NUBPL: variants seen among roughly 807,000 people sequenced by gnomAD.
NUBPL encodes NUBP iron-sulfur cluster assembly factor, mitochondrial, also known as iron-sulfur cluster transfer protein NUBPL.
Under a neutral mutation model 45.7 loss-of-function variants are expected in NUBPL, and 31 were observed. That is an observed-to-expected ratio of 0.68 (90% confidence interval 0.51 to 0.92). The LOEUF is 0.92. NUBPL is among the 40% of genes least tolerant of loss of function. The pLI is 0.00. For synonymous variants in NUBPL, 144 were observed against 140.9 expected, an observed-to-expected ratio of 1.02 and a Z score of -0.15; for missense variants, 401 against 398.7, an observed-to-expected ratio of 1.01 and a Z score of -0.05.
chr14:31,673,704 G>A lies in NUBPL; in HGVS notation c.513+130G>A. The A allele has an allele frequency of 1.6e-5, 13 of 794,920 alleles. No individual in the cohort carries two copies. In the South Asian group the frequency reaches 1.7e-4, roughly 11 times the overall value. 49.2% of individuals were successfully genotyped at this position (794,920 alleles called of 1,614,324 possible). A position where few individuals can be genotyped will look rare whatever the true frequency, so the allele number is the denominator to read the frequency against. ...GGATGAATGTATAATGCGTAATATG[G>A]CACCTAATGAGTTAATGTGATGCCA... On this transcript the variant is annotated intron_variant, in intron 6 of 10. Transcript: ENST00000281081.
At chr14:31,623,877 A>G (rs542226166) in intron 4 of NUBPL, among the ~76,000 whole-genome samples, 1 of 152,276 alleles carries the variant, frequency 6.6e-6, no homozygotes, top group Admixed American at 6.5e-5. Context: ...CAGGGCCAGA[A>G]AGGTAATTGA....
intron 6 of NUBPL, among the ~76,000 whole-genome samples, chr14:31,701,416 TG>T (rs1261076187): frequency 1.3e-5 from 2 of 152,108 alleles, no homozygotes; most frequent in African/African-American, 4.8e-5. Flanking sequence ...AGGATGTGGG[TG>T]GGGTCAGATA....
chr14:31,767,006 T>C lies in NUBPL; in HGVS notation c.514-20774T>C, dbSNP rs554049146. Among the ~76,000 whole-genome samples, 304 of 152,008 alleles carry C rather than the reference T, an allele frequency of 2.0e-3. 1 individual carries two copies. The highest frequency in any genetic ancestry group is 6.8e-3 in the African/African-American group (280 of 41,452). ...AAATACATAATTAAAAAAAAAAGAT[T>C]TTAATCTACTGAAAAAAATTTTCTA... is the stretch of plus-strand genomic sequence containing the variant. On this transcript the variant is annotated intron_variant, in intron 6 of 10. Transcript: ENST00000281081.
chr14:31,684,158 C>G (rs1336929516), intron 6 of NUBPL, among the ~76,000 whole-genome samples: 1 of 152,170 alleles, frequency 6.6e-6, no homozygotes, highest in South Asian at 2.1e-4. Flanking sequence ...TGACCTTGGG[C>G]AGAAACTTCT....
chr14:31,836,154 A>G (rs769693927), intron 8 of NUBPL, among the ~76,000 whole-genome samples: 36 of 152,338 alleles, frequency 2.4e-4, no homozygotes, highest in South Asian at 1.4e-3. Flanking sequence ...CAAGAGAATC[A>G]ATTTTTAAAA....
intron 4 of NUBPL, among the ~76,000 whole-genome samples, chr14:31,622,025 A>T (rs1202185485): frequency 6.6e-6 from 1 of 152,338 alleles, no homozygotes; most frequent in South Asian, 2.1e-4. Context: ...GATATGCACA[A>T]TGAAGTTTAG....
chr14:31,846,963 AC>A lies in NUBPL; in HGVS notation c.814+373del, dbSNP rs1277669225. On this transcript the variant is annotated intron_variant, in intron 9 of 10. Coordinates refer to ENST00000281081, the MANE Select transcript of NUBPL (RefSeq NM_025152.3). The stretch of plus-strand genomic sequence containing the variant: ...AGAGTGAGACTCCATCAAAAAAAAA[AC>A]AAAAAACAAAAAACAGTGTCTCTGA... Among the ~76,000 whole-genome samples the A allele has an allele frequency of 1.2e-3, 146 of 123,738 alleles. 1 individual carries two copies. Among genetic ancestry groups the A allele is most frequent in the Non-Finnish European group, 1.0e-3 (50 of 50,026 alleles). The allele number at this position is 123,738 out of a possible 152,430, so 81.2% of individuals were successfully genotyped here.
At chr14:31,781,827 C>T (rs919763996) in intron 6 of NUBPL, among the ~76,000 whole-genome samples, 2 of 152,112 alleles carry the variant, frequency 1.3e-5, no homozygotes, top group African/African-American at 4.8e-5. Flanking sequence ...TTCTACCTTT[C>T]CCTATAATTC....
chr14:31,651,225 T>G (rs994452130), intron 4 of NUBPL, among the ~76,000 whole-genome samples: 4 of 152,090 alleles, frequency 2.6e-5, no homozygotes, highest in African/African-American at 4.8e-5. Flanking sequence ...CTCTGCCGCC[T>G]GGGTTCAAGC....
At chr14:31,673,427 C>G in intron 5 of NUBPL, 33 bp downstream of exon 5, 1 of 1,604,186 alleles carries the variant, frequency 6.2e-7, no homozygotes, top group Non-Finnish European at 8.5e-7. Context: ...TGTTACTTTT[C>G]AGAATAATGT....
In NUBPL at chr14:31,815,886, G is replaced by A. The variant is rs1202796756; in HGVS notation, c.608-10743G>A. On this transcript the variant is annotated intron_variant, in intron 7 of 10. Coordinates refer to ENST00000281081, the MANE Select transcript of NUBPL (RefSeq NM_025152.3). ...AGCCTTGCATGCCAGGGATGAAGCC[G>A]ACTTGATAATGGTGGATAAGCTTTT... Among the ~76,000 whole-genome samples, 3 of 152,082 alleles carry A rather than the reference G, an allele frequency of 2.0e-5. No homozygotes were observed. The East Asian group carries it at 5.8e-4, about 29-fold the overall frequency.
intron 6 of NUBPL, among the ~76,000 whole-genome samples, chr14:31,708,454 T>C (rs2037500227): frequency 6.6e-6 from 1 of 152,164 alleles, no homozygotes; most frequent in Non-Finnish European, 1.5e-5. Context: ...CCCATATTCA[T>C]GTAGATAATA....
At chr14:31,696,927 A>G (rs1049146647) in intron 6 of NUBPL, among the ~76,000 whole-genome samples, 4 of 152,372 alleles carry the variant, frequency 2.6e-5, no homozygotes, top group Admixed American at 6.5e-5. Context: ...GTCTAACTCC[A>G]GGCCTGAATC....
At chr14:31,831,289 C>T (rs974505744) in intron 8 of NUBPL, among the ~76,000 whole-genome samples, 5 of 151,964 alleles carry the variant, frequency 3.3e-5, no homozygotes, top group African/African-American at 7.3e-5. Flanking sequence ...GCAATCCACC[C>T]GCCTCAGTCT....
chr14:31,807,427 G>A (rs537948460), intron 7 of NUBPL, among the ~76,000 whole-genome samples: 204 of 152,254 alleles, frequency 1.3e-3, no homozygotes, highest in African/African-American at 4.6e-3. Flanking sequence ...CTTCTTTTGA[G>A]AAGTGTCTGT....
intron 4 of NUBPL, among the ~76,000 whole-genome samples, chr14:31,604,203 C>A (rs1467848688): frequency 6.9e-6 from 1 of 145,572 alleles, no homozygotes; most frequent in Non-Finnish European, 1.5e-5. Flanking sequence ...AAAACACTTT[C>A]TCTGTTGACA....
chr14:31,562,354 G>T, intron 2 of NUBPL, 139 bp downstream of exon 2: 1 of 848,700 alleles, frequency 1.2e-6, no homozygotes. Context: ...TCAGGAGTTG[G>T]TAGCGGGTAG....
intron 6 of NUBPL, among the ~76,000 whole-genome samples, chr14:31,712,509 C>T (rs1259020283): frequency 6.6e-6 from 1 of 152,250 alleles, no homozygotes; most frequent in Non-Finnish European, 1.5e-5. Context: ...CCCACCCATG[C>T]CTCTCCCTTC....
intron 4 of NUBPL, among the ~76,000 whole-genome samples, chr14:31,639,709 G>A (rs919123522): frequency 4.6e-5 from 7 of 152,202 alleles, no homozygotes; most frequent in African/African-American, 1.4e-4. Flanking sequence ...AGGCAGGCAG[G>A]CCTCCTTGAG....
Sources: gnomAD v4.1 joint callset for allele counts (sites outside exome capture counted in the v4.1 genomes callset) on GRCh38, gnomAD v4.1.1 for gene constraint, MANE v1.5 for transcripts, NCBI Gene and HGNC (gene_info 2026-07-23, HGNC 2026-07-21) for gene names.